Variants in NTM observed in about 807,000 individuals in gnomAD.
NTM encodes IgLON family member 2.
In NTM, 13 loss-of-function variants were observed where a neutral mutation model predicts 42.1. The ratio of observed to expected loss-of-function variants is 0.31; its 90% CI spans 0.20 to 0.49. The LOEUF (loss-of-function observed/expected upper bound fraction) is 0.49, where lower values mean the gene tolerates loss of function less well. NTM is among the 20% of genes least tolerant of loss of function. The probability of loss-of-function intolerance (pLI) is 0.99; values close to 1 mark genes in which losing one functional copy is unlikely to be tolerated. For synonymous variants in NTM, 187 were observed against 179.2 expected, an observed-to-expected ratio of 1.04 and a Z score of -0.35; for missense variants, 373 against 452.8, an observed-to-expected ratio of 0.82 and a Z score of 1.60.
chr11:132,044,671 A>C (rs2077732444), intron 2 of NTM, among the ~76,000 whole-genome samples: 1 of 152,132 alleles, frequency 6.6e-6, no homozygotes, highest in Admixed American at 6.5e-5. Context: ...CATGTCCTCT[A>C]GTGACATTTT....
chr11:131,691,770 G>T (rs1240551933), intron 1 of NTM, among the ~76,000 whole-genome samples: 2 of 152,200 alleles, frequency 1.3e-5, no homozygotes, highest in African/African-American at 4.8e-5. Context: ...TGGGCGCAGC[G>T]GTCCCGGGGC....
intron 1 of NTM, among the ~76,000 whole-genome samples, chr11:131,442,449 A>G (rs1158179111): frequency 6.6e-6 from 1 of 152,100 alleles, no homozygotes; most frequent in African/African-American, 2.4e-5. Flanking sequence ...TTGGGGTTGT[A>G]CCCATGCAGG....
chr11:131,765,043 G>A (rs1272626206), intron 1 of NTM, among the ~76,000 whole-genome samples: 5 of 152,118 alleles, frequency 3.3e-5, no homozygotes, highest in African/African-American at 1.2e-4. Context: ...GTGGAACCCA[G>A]CCGGCGCTTC....
intron 1 of NTM, among the ~76,000 whole-genome samples, chr11:131,678,912 C>T (rs1232586328): frequency 2.6e-5 from 4 of 152,340 alleles, no homozygotes; most frequent in South Asian, 2.1e-4. Context: ...CAGCTACCTT[C>T]GGCTAACACG....
chr11:131,780,548 T>C (rs753038104), intron 1 of NTM, among the ~76,000 whole-genome samples: 2 of 152,156 alleles, frequency 1.3e-5, no homozygotes, highest in African/African-American at 4.8e-5. Flanking sequence ...TACCAAGGAC[T>C]TGCAGGGTTT....
Position 132,330,109 on chromosome 11 carries a change from T to C in NTM, c.935-44T>C, listed in dbSNP as rs374401607. On this transcript the variant is annotated intron_variant, in intron 7 of 8. Coordinates refer to ENST00000683400, the MANE Select transcript of NTM (RefSeq NM_001352005.2). Reference sequence around the variant, plus strand: ...TCTGAGGGCAAAGTGAGCATCTCCGTCTGCTTTCGACCTTAACAGTGGCTT... The same window carrying C: ...TCTGAGGGCAAAGTGAGCATCTCCGCCTGCTTTCGACCTTAACAGTGGCTT... 8.5e-4 allele frequency: 1,313 copies of C among 1,550,524 alleles called. 1 individual carries two copies. Among genetic ancestry groups the C allele is most frequent in the Non-Finnish European group, 1.0e-3 (1,199 of 1,146,438 alleles).
intron 2 of NTM, among the ~76,000 whole-genome samples, chr11:132,000,598 G>A (rs1315147445): frequency 6.6e-6 from 1 of 152,110 alleles, no homozygotes; most frequent in Non-Finnish European, 1.5e-5. Flanking sequence ...ATCTCACTCT[G>A]TTCTGGACTA....
At chr11:132,115,592 G>T (rs1380477112) in intron 2 of NTM, among the ~76,000 whole-genome samples, 1 of 152,142 alleles carries the variant, frequency 6.6e-6, no homozygotes, top group Non-Finnish European at 1.5e-5. Context: ...GACTCTGTGG[G>T]AGGAGGCTCA....
At chr11:131,691,560 C>T (rs796724407) in intron 1 of NTM, among the ~76,000 whole-genome samples, 1 of 108,718 alleles carries the variant, frequency 9.2e-6, no homozygotes, top group Non-Finnish European at 2.2e-5. Context: ...CCCTGAAAGC[C>T]CCCCCCCGAC....
At chr11:132,075,953 T>C (rs1319240305) in intron 2 of NTM, among the ~76,000 whole-genome samples, 1 of 152,220 alleles carries the variant, frequency 6.6e-6, no homozygotes, top group Non-Finnish European at 1.5e-5. Context: ...AAGGTAAATG[T>C]CGACAGCATT....
chr11:131,458,667 G>A (rs978799854), intron 1 of NTM, among the ~76,000 whole-genome samples: 1 of 152,214 alleles, frequency 6.6e-6, no homozygotes, highest in Non-Finnish European at 1.5e-5. Context: ...AAGGCCTTCG[G>A]CAGAATAAAC....
intron 1 of NTM, among the ~76,000 whole-genome samples, chr11:131,857,011 A>G (rs750730155): frequency 1.3e-5 from 2 of 152,128 alleles, no homozygotes; most frequent in Non-Finnish European, 2.9e-5. Context: ...ACCTTTTTAT[A>G]TAATCTTAAA....
At chr11:131,529,132 C>T (rs1369350232) in intron 1 of NTM, among the ~76,000 whole-genome samples, 4 of 152,184 alleles carry the variant, frequency 2.6e-5, no homozygotes, top group African/African-American at 9.7e-5. Flanking sequence ...TTCTGCTAAA[C>T]AGATGTTTTG....
rs1243556865 is a variant in NTM, at chr11:132,003,334, C to T, written c.167+91686C>T. Among the ~76,000 whole-genome samples the T allele has an allele frequency of 6.6e-6, 1 of 151,826 alleles. No homozygotes were observed. Among genetic ancestry groups the T allele is most frequent in the East Asian group, 1.9e-4 (1 of 5,158 alleles). On this transcript the variant is annotated intron_variant, in intron 2 of 8. Coordinates refer to ENST00000683400, the MANE Select transcript of NTM (RefSeq NM_001352005.2). The surrounding 1 kb of genome is among the most constrained non-coding windows in gnomAD (Gnocchi z 6.0). ...AATCACAGCTTACTGCAGCCTCAACCTCCTGGGCTCAAATGATCCTCACAC... is the reference window on the plus strand; with the variant it reads ...AATCACAGCTTACTGCAGCCTCAACTTCCTGGGCTCAAATGATCCTCACAC...
intron 1 of NTM, among the ~76,000 whole-genome samples, chr11:131,631,071 C>T (rs1316047100): frequency 1.3e-5 from 2 of 152,136 alleles, no homozygotes; most frequent in Non-Finnish European, 2.9e-5. Flanking sequence ...TGAGGAAGTA[C>T]GGCATAGCAG....
At chr11:131,547,995 C>G (rs759487773) in intron 1 of NTM, among the ~76,000 whole-genome samples, 16 of 152,150 alleles carry the variant, frequency 1.1e-4, no homozygotes, top group Non-Finnish European at 7.3e-5. Flanking sequence ...CAGGAACTTG[C>G]AAGGAGACAG....
intron 1 of NTM, chr11:131,660,479 T>C (rs1180332817): frequency 6.6e-6 from 3 of 457,360 alleles, no homozygotes; most frequent in Non-Finnish European, 1.3e-5. Flanking sequence ...TGCAGGGAGC[T>C]GACCTTCCTC....
chr11:132,130,497 G>A (rs980011712), intron 2 of NTM, among the ~76,000 whole-genome samples: 10 of 152,052 alleles, frequency 6.6e-5, no homozygotes, highest in South Asian at 4.1e-4. Flanking sequence ...GTTCTTCTGC[G>A]TTCTGCTGAG....
intron 2 of NTM, among the ~76,000 whole-genome samples, chr11:131,968,135 CA>C (rs1396213566): frequency 1.2e-4 from 18 of 152,298 alleles, no homozygotes; most frequent in African/African-American, 4.3e-4. Flanking sequence ...AATGCACTCT[CA>C]CAATGATCTT....
Sources: allele counts gnomAD v4.1 joint callset (sites outside exome capture counted in the v4.1 genomes callset), GRCh38; gene constraint gnomAD v4.1.1; non-coding constraint Gnocchi (gnomAD v3.1); transcripts MANE v1.5; gene names NCBI Gene and HGNC (gene_info 2026-07-23, HGNC 2026-07-21).